The following ABCB5 variants were observed in gnomAD, a reference collection of about 807,000 sequenced individuals.
The protein encoded by ABCB5 is ATP binding cassette subfamily B member 5.
Under a neutral mutation model 144.2 loss-of-function variants are expected in ABCB5, and 155 were observed. The ratio of observed to expected loss-of-function variants is 1.08; its 90% CI spans 0.94 to 1.23. ABCB5 has a LOEUF of 1.23. Among genes scored for constraint, ABCB5 ranks in the 50% most tolerant of loss-of-function variants. The pLI, the probability that ABCB5 is intolerant of heterozygous loss-of-function variation, is 0.00. For synonymous variants in ABCB5, 610 were observed against 528.6 expected, an observed-to-expected ratio of 1.15 and a Z score of -2.11; for missense variants, 1,830 against 1,520.8, an observed-to-expected ratio of 1.20 and a Z score of -3.38.
chr7:20,714,395 A>C (rs1171559972), intron 20 of ABCB5, among the ~76,000 whole-genome samples: 1 of 152,028 alleles, frequency 6.6e-6, no homozygotes, highest in Non-Finnish European at 1.5e-5. Flanking sequence ...GAATCTAAGA[A>C]AGCTTAATTA....
intron 18 of ABCB5, 58 bp from the exon 19 acceptor site, chr7:20,700,000 A>T: frequency 6.3e-7 from 1 of 1,599,024 alleles, no homozygotes; most frequent in Non-Finnish European, 8.6e-7. Context: ...AGTTAAAAAT[A>T]TATCAACTAA....
At chr7:20,685,039 C>T (rs1785949675) in intron 15 of ABCB5, among the ~76,000 whole-genome samples, 1 of 152,140 alleles carries the variant, frequency 6.6e-6, no homozygotes, top group Admixed American at 6.5e-5. Context: ...TTAGTAGAGA[C>T]AGGGTGTTAC....
chr7:20,708,049 C>T (rs1786879195), intron 20 of ABCB5, among the ~76,000 whole-genome samples: 2 of 152,048 alleles, frequency 1.3e-5, no homozygotes, highest in African/African-American at 4.8e-5. Context: ...TCGTGATCCG[C>T]CCGCCTCGGC....
intron 20 of ABCB5, among the ~76,000 whole-genome samples, chr7:20,717,532 T>C (rs1781715758): frequency 6.8e-6 from 1 of 147,330 alleles, no homozygotes. Flanking sequence ...AACCTCCGCC[T>C]CCCGGGTTCA....
At chr7:20,662,909 A>C (rs892706309) in intron 14 of ABCB5, among the ~76,000 whole-genome samples, 1 of 152,240 alleles carries the variant, frequency 6.6e-6, no homozygotes, top group African/African-American at 2.4e-5. Flanking sequence ...AGGGAGTCAT[A>C]GACCCCCGAA....
chr7:20,632,441 A>T (rs1052771091), intron 5 of ABCB5, among the ~76,000 whole-genome samples: 16 of 152,158 alleles, frequency 1.1e-4, no homozygotes, highest in Non-Finnish European at 2.1e-4. Flanking sequence ...CTTCTAAAAA[A>T]TTATATTTCT....
At chr7:20,655,517 T>C (rs759397356) in intron 13 of ABCB5, among the ~76,000 whole-genome samples, 111 of 148,112 alleles carry the variant, frequency 7.5e-4, no homozygotes, top group Non-Finnish European at 1.2e-3. Context: ...GATGTCTAAA[T>C]AACGGCAACA....
At chr7:20,675,944 G>A (rs1035190426) in intron 14 of ABCB5, among the ~76,000 whole-genome samples, 1 of 151,988 alleles carries the variant, frequency 6.6e-6, no homozygotes, top group Admixed American at 6.6e-5. Context: ...AGTTATCAGG[G>A]AAATGTAAGT....
chr7:20,733,542 C>A (rs1782288341), intron 23 of ABCB5, among the ~76,000 whole-genome samples: 2 of 152,076 alleles, frequency 1.3e-5, no homozygotes, highest in South Asian at 4.2e-4. Context: ...AAGAATAGTA[C>A]CACCTTGGTA....
Position 20,720,683 on chromosome 7 carries a change from C to T in ABCB5, c.2422-2333C>T, listed in dbSNP as rs376179704. On this transcript the variant is annotated intron_variant, in intron 20 of 27. Transcript: ENST00000404938. ...TGAAGAGGCCAGGCGCGGTGGCTCA[C>T]GCCTGTAATCCCAGCAGTTTGGGAG... 3.9e-5 allele frequency among the ~76,000 whole-genome samples: 6 copies of T among 152,256 alleles called. 1 individual carries two copies. The highest frequency in any genetic ancestry group is 1.3e-4 in the Admixed American group (2 of 15,298).
chr7:20,647,623 T>G lies in ABCB5; in HGVS notation c.1070T>G (p.Phe357Cys), dbSNP rs1583391244. 2 of 1,576,416 alleles carry G rather than the reference T, an allele frequency of 1.3e-6. No homozygotes were observed. Among genetic ancestry groups the G allele is most frequent in the East Asian group, 2.3e-5 (1 of 43,740 alleles). Residue 357 changes from phenylalanine to cysteine, a missense_variant, in exon 10 of 28, where the codon TTT becomes TGT. Coordinates refer to ENST00000404938, the MANE Select transcript of ABCB5 (RefSeq NM_001163941.2). ...ETFAIARGAA[F>C]HIFQVIDKKP... ...TTCGCAATAGCCCGAGGAGCTGCCT[T>G]TCATATTTTCCAGGTTATTGATAAG...
intron 16 of ABCB5, among the ~76,000 whole-genome samples, chr7:20,695,387 C>T (rs572574843): frequency 2.6e-5 from 4 of 151,804 alleles, no homozygotes; most frequent in African/African-American, 9.6e-5. Flanking sequence ...AGCCACAACC[C>T]ATACCTCAAA....
intron 20 of ABCB5, among the ~76,000 whole-genome samples, chr7:20,707,801 C>CTTTTTTGTTT (rs1786868811): frequency 1.1e-5 from 1 of 93,088 alleles, no homozygotes; most frequent in African/African-American, 4.2e-5. Context: ...AACCTCATTT[C>CTTTTTTGTTT]TTTTTTTTTT....
At chr7:20,690,410 T>A (rs970552410) in intron 16 of ABCB5, among the ~76,000 whole-genome samples, 1 of 152,246 alleles carries the variant, frequency 6.6e-6, no homozygotes, top group Admixed American at 6.5e-5. Flanking sequence ...ATTGGCTTTC[T>A]TGGAGTCCTA....
chr7:20,646,658 T>A (rs1310740340), intron 9 of ABCB5, among the ~76,000 whole-genome samples: 1 of 152,228 alleles, frequency 6.6e-6, no homozygotes, highest in South Asian at 2.1e-4. Flanking sequence ...GGGTTATGTG[T>A]TAAATAATAA....
At position 20,643,638 on chromosome 7, in the gene ABCB5, T is replaced by A; in HGVS notation, c.678+6T>A. ...CAGCGGCAGCATGTTCTAGGGTAAG[T>A]GAGATGGCTAATGCAATATTGAATG... is the stretch of plus-strand genomic sequence containing the variant. On this transcript the variant is annotated splice_donor_region_variant and intron_variant, in intron 7 of 27. Coordinates refer to ENST00000404938, the MANE Select transcript of ABCB5 (RefSeq NM_001163941.2). 2 of 1,613,570 alleles carry A rather than the reference T, an allele frequency of 1.2e-6. No individual in the cohort carries two copies. The highest frequency in any genetic ancestry group is 2.2e-5 in the East Asian group (1 of 44,870).
chr7:20,713,186 T>C lies in ABCB5; in HGVS notation c.2421+8379T>C, dbSNP rs1781552389. 1.3e-5 allele frequency among the ~76,000 whole-genome samples: 2 copies of C among 149,536 alleles called. 1 individual carries two copies. The highest frequency in any genetic ancestry group is 4.9e-5 in the African/African-American group (2 of 40,420). On this transcript the variant is annotated intron_variant, in intron 20 of 27. Coordinates refer to ENST00000404938, the MANE Select transcript of ABCB5 (RefSeq NM_001163941.2). ...CAATTCTGGGTTGGTGTCCATGGAT[T>C]CATTTTTATCCTTATCATAGGTCTT...
At chr7:20,678,205 C>A (rs976089504) in intron 14 of ABCB5, among the ~76,000 whole-genome samples, 2 of 152,136 alleles carry the variant, frequency 1.3e-5, no homozygotes, top group African/African-American at 4.8e-5. Context: ...ATTTTTCCTG[C>A]ATTTTTACAG....
chr7:20,714,854 G>A (rs561250767), intron 20 of ABCB5, among the ~76,000 whole-genome samples: 8 of 152,030 alleles, frequency 5.3e-5, no homozygotes, highest in Non-Finnish European at 1.2e-4. Flanking sequence ...GTTCACTCTT[G>A]GATACTTTTA....
Sources: gnomAD v4.1 joint callset for allele counts (sites outside exome capture counted in the v4.1 genomes callset) on GRCh38, gnomAD v4.1.1 for gene constraint, MANE v1.5 for transcripts, NCBI Gene and HGNC (gene_info 2026-07-23, HGNC 2026-07-21) for gene names.